The following HTR7 variants were observed in gnomAD, a reference collection of about 807,000 sequenced individuals.
The protein encoded by HTR7 is 5-HT-7.
HTR7 carries 16 observed loss-of-function variants against 34.0 expected under a neutral mutation model. The ratio of observed to expected loss-of-function variants is 0.47; its 90% CI spans 0.32 to 0.71. HTR7 has a LOEUF of 0.71. HTR7 is among the 30% of genes least tolerant of loss of function. The pLI is 0.04. For missense variants in HTR7, 504 were observed against 625.5 expected (o/e 0.81, Z 2.07); for synonymous variants, 265 against 260.2 (o/e 1.02, Z -0.18).
At chr10:90,764,951 G>T (rs4113478) in intron 1 of HTR7, among the ~76,000 whole-genome samples, 93,049 of 151,906 alleles carry the variant, frequency 0.61, 30,071 homozygotes, top group African/African-American at 0.84. Context: ...GCTGAGGATT[G>T]TTGCATCTAT....
At chr10:90,830,284 T>C (rs1032044221) in intron 1 of HTR7, among the ~76,000 whole-genome samples, 1 of 152,216 alleles carries the variant, frequency 6.6e-6, no homozygotes. Context: ...TCTGCAATTA[T>C]TAAAGAACAA....
Position 90,857,201 on chromosome 10 carries a change from G to A in HTR7, c.471C>T (p.Val157=). ...KWIFGHFFCN[V]FIAMDVMCCT... The stretch of plus-strand genomic sequence containing the variant: ...AGCACATGACGTCCATGGCGATGAA[G>A]ACATTACAGAAAAAGTGTCCAAAGA... Residue 157 remains valine, a synonymous_variant, in exon 1 of 4, where the codon GTC becomes GTT. Coordinates refer to ENST00000336152, the MANE Select transcript of HTR7 (RefSeq NM_019859.4). This position sits in a 1 kb window ranked among gnomAD's most constrained non-coding sequence, Gnocchi z 6.5. 2 of 1,614,092 alleles carry A rather than the reference G, an allele frequency of 1.2e-6. No homozygotes were observed. Among genetic ancestry groups the A allele is most frequent in the Non-Finnish European group, 1.7e-6 (2 of 1,180,014 alleles).
At chr10:90,813,832 C>T (rs1845856692) in intron 1 of HTR7, among the ~76,000 whole-genome samples, 1 of 152,160 alleles carries the variant, frequency 6.6e-6, no homozygotes, top group South Asian at 2.1e-4. Context: ...ACTCCATTTG[C>T]CTAATAAGAT....
chr10:90,793,519 CA>C (rs1258363264), intron 1 of HTR7, among the ~76,000 whole-genome samples: 3 of 119,504 alleles, frequency 2.5e-5, no homozygotes, highest in African/African-American at 1.0e-4. Context: ...TTTAAAAAAA[CA>C]ATTTTTAAGA....
intron 1 of HTR7, among the ~76,000 whole-genome samples, chr10:90,758,143 C>T (rs548415103): frequency 1.9e-4 from 29 of 151,814 alleles, no homozygotes; most frequent in Non-Finnish European, 2.7e-4. Context: ...GTTAGGAGTT[C>T]GAAACCACCC....
At chr10:90,851,334 C>T (rs1273829754) in intron 1 of HTR7, among the ~76,000 whole-genome samples, 1 of 152,126 alleles carries the variant, frequency 6.6e-6, no homozygotes, top group Non-Finnish European at 1.5e-5. Context: ...AGGCTGGGTG[C>T]GTTGGCTCAC....
Position 90,857,102 on chromosome 10 carries a change from G to A in HTR7, c.539+31C>T, listed in dbSNP as rs1274931306. ...CTGAGCTGCCAGCCGGTCCCCAGCC[G>A]GAGCCTGGGACGGGGCGGTCCGGCC... On this transcript the variant is annotated intron_variant, in intron 1 of 3. Coordinates refer to ENST00000336152, the MANE Select transcript of HTR7 (RefSeq NM_019859.4). The surrounding 1 kb of genome is among the most constrained non-coding windows in gnomAD (Gnocchi z 6.5). The A allele has an allele frequency of 2.0e-6, 3 of 1,503,504 alleles. No homozygotes were observed. Among genetic ancestry groups the A allele is most frequent in the Non-Finnish European group, 2.7e-6 (3 of 1,121,156 alleles). The allele number at this position is 1,503,504 out of a possible 1,614,324, so 93.1% of individuals were successfully genotyped here. A position where few individuals can be genotyped will look rare whatever the true frequency, so the allele number is the denominator to read the frequency against.
intron 1 of HTR7, among the ~76,000 whole-genome samples, chr10:90,790,507 G>T (rs911922546): frequency 6.6e-6 from 1 of 152,072 alleles, no homozygotes; most frequent in African/African-American, 2.4e-5. Context: ...TAAGTGACAG[G>T]ATACATTCAT....
At chr10:90,746,126 C>T (rs115075194) in intron 2 of HTR7, among the ~76,000 whole-genome samples, 350 of 152,260 alleles carry the variant, frequency 2.3e-3, no homozygotes, top group African/African-American at 7.9e-3. Context: ...GACTTCTCCA[C>T]GCCCTTGTTT....
intron 1 of HTR7, among the ~76,000 whole-genome samples, chr10:90,834,402 A>G (rs1846223985): frequency 6.6e-6 from 1 of 152,182 alleles, no homozygotes; most frequent in African/African-American, 2.4e-5. Context: ...GGGGGAAATC[A>G]CTAAAGGCCT....
At chr10:90,833,993 G>C (rs983091700) in intron 1 of HTR7, among the ~76,000 whole-genome samples, 2 of 152,196 alleles carry the variant, frequency 1.3e-5, no homozygotes, top group Non-Finnish European at 2.9e-5. Context: ...GCACTTTGCT[G>C]TTGTCTATCT....
intron 1 of HTR7, among the ~76,000 whole-genome samples, chr10:90,820,521 T>C (rs552965250): frequency 6.6e-4 from 100 of 152,294 alleles, no homozygotes; most frequent in Non-Finnish European, 1.3e-3. Flanking sequence ...TTTCTTGAGT[T>C]AACCCTTTGG....
chr10:90,806,423 C>A (rs1845707531), intron 1 of HTR7, among the ~76,000 whole-genome samples: 1 of 151,982 alleles, frequency 6.6e-6, no homozygotes, highest in African/African-American at 2.4e-5. Flanking sequence ...ACGGTGAAAC[C>A]CCGTCTCTAC....
chr10:90,796,531 C>T (rs1845540497), intron 1 of HTR7, among the ~76,000 whole-genome samples: 1 of 152,154 alleles, frequency 6.6e-6, no homozygotes, highest in African/African-American at 2.4e-5. Flanking sequence ...CCAGAACACC[C>T]TGAGCAATAT....
chr10:90,819,666 C>T (rs1202540924), intron 1 of HTR7, among the ~76,000 whole-genome samples: 1 of 152,166 alleles, frequency 6.6e-6, no homozygotes. Context: ...TTCTCTGACA[C>T]TGGATTTAGT....
intron 1 of HTR7, among the ~76,000 whole-genome samples, chr10:90,841,656 G>A (rs988036451): frequency 1.3e-5 from 2 of 151,968 alleles, no homozygotes; most frequent in African/African-American, 2.4e-5. Context: ...GTCCATGGTC[G>A]ACATGGTTCA....
intron 1 of HTR7, among the ~76,000 whole-genome samples, chr10:90,802,996 C>CTTTTTT (rs35715510): frequency 5.6e-5 from 5 of 89,004 alleles, no homozygotes; most frequent in African/African-American, 1.3e-4. Context: ...CATTTGTGGC[C>CTTTTTT]TTTTTTTTTT....
At chr10:90,823,435 G>A (rs534495584) in intron 1 of HTR7, among the ~76,000 whole-genome samples, 27 of 152,274 alleles carry the variant, frequency 1.8e-4, no homozygotes, top group Non-Finnish European at 2.8e-4. Flanking sequence ...GATTTCTCCC[G>A]CTTGGAATGG....
intron 1 of HTR7, among the ~76,000 whole-genome samples, chr10:90,776,804 C>A (rs1394365353): frequency 6.6e-6 from 1 of 152,114 alleles, no homozygotes; most frequent in Non-Finnish European, 1.5e-5. Context: ...GGTATACAGA[C>A]TATAATAGAA....
Sources: allele counts gnomAD v4.1 joint callset (sites outside exome capture counted in the v4.1 genomes callset), GRCh38; gene constraint gnomAD v4.1.1; non-coding constraint Gnocchi (gnomAD v3.1); transcripts MANE v1.5; gene names NCBI Gene and HGNC (gene_info 2026-07-23, HGNC 2026-07-21).